The following DNAH11 variants were observed in gnomAD, a reference collection of about 807,000 sequenced individuals.
The protein encoded by DNAH11 is dynein axonemal heavy chain 11.
In DNAH11, 442 loss-of-function variants were observed where a neutral mutation model predicts 526.0. The observed-to-expected ratio is 0.84, with a 90% CI of 0.78 to 0.91. The LOEUF is 0.91. DNAH11 is among the 40% of genes least tolerant of loss of function. The pLI is 0.00. For synonymous variants in DNAH11, 2,461 were observed against 1,935.9 expected (o/e 1.27, Z -7.12); for missense variants, 6,989 against 5,448.7 (o/e 1.28, Z -8.90).
intron 30 of DNAH11, among the ~76,000 whole-genome samples, chr7:21,668,547 C>CTCAT (rs1049776741): frequency 2.6e-5 from 4 of 152,174 alleles, no homozygotes; most frequent in African/African-American, 9.7e-5. Context: ...ACCTGTGAGT[C>CTCAT]TCATGTCTTC....
intron 27 of DNAH11, 57 bp from the exon 28 acceptor site, chr7:21,638,882 G>T (rs1000530960): frequency 1.6e-5 from 24 of 1,548,224 alleles, no homozygotes; most frequent in Non-Finnish European, 2.1e-5. Flanking sequence ...TTGTTTTGCC[G>T]AAGTTTTAAT....
intron 18 of DNAH11, among the ~76,000 whole-genome samples, chr7:21,605,591 A>C (rs1041103251): frequency 6.6e-6 from 1 of 152,074 alleles, no homozygotes; most frequent in Non-Finnish European, 1.5e-5. Flanking sequence ...AATAAACCCA[A>C]CCTCAATCCT....
In DNAH11 at chr7:21,599,964, A is replaced by G; in HGVS notation, c.2845A>G (p.Ile949Val). Residue 949 changes from isoleucine (I) to valine (V), a missense_variant, in exon 15 of 82, where the codon ATC (isoleucine) becomes GTC (valine). Coordinates refer to ENST00000409508, the MANE Select transcript of DNAH11 (RefSeq NM_001277115.2). ...GGCACCGTTTTTTCAAGCACAAATG[A>G]TCTTGTTGCCTCCTGAGATTGTGTT... is the stretch of plus-strand genomic sequence containing the variant. Reference protein sequence around the residue: ...KPAPFFQAQMILLPPEIVFKP... With the variant: ...KPAPFFQAQMVLLPPEIVFKP... 2 of 1,613,744 alleles carry G rather than the reference A, an allele frequency of 1.2e-6. No homozygotes were observed. Among genetic ancestry groups the G allele is most frequent in the Non-Finnish European group, 1.7e-6 (2 of 1,179,814 alleles).
chr7:21,788,643 G>C (rs1444444520), intron 60 of DNAH11, among the ~76,000 whole-genome samples: 1 of 152,146 alleles, frequency 6.6e-6, no homozygotes. Context: ...ATGTGCTTAA[G>C]GTGGTTGGGA....
chr7:21,867,941 C>G lies in DNAH11; in HGVS notation c.11773C>G (p.Pro3925Ala), dbSNP rs896360974. 5.1e-6 allele frequency: 8 copies of G among 1,569,862 alleles called. No individual in the cohort carries two copies. The South Asian group carries it at 8.2e-5, about 16-fold the overall frequency. The change falls in exon 72 of 82, where the codon CCA becomes GCA. Residue 3925 changes from proline to alanine, a missense_variant. Transcript: ENST00000409508. ...DLVKAFEESS[P>A]ATPIFFILSP... ...AGTTAAAGCATTCGAAGAAAGCAGC[C>G]CAGCCACCCCCATATTCTTCATCCT...
In DNAH11 at chr7:21,601,581, G is replaced by A. The variant is rs1258102150; in HGVS notation, c.3611G>A (p.Gly1204Asp). ...ACGATCACCCTCTTGGAAAGCTATG[G>A]CCAGAAGATGCCTGAGCAGGTCTAT... ...KETITLLESYGQKMPEQVYIQ... is the reference protein window; with the variant it reads ...KETITLLESYDQKMPEQVYIQ... Residue 1204 changes from glycine (G) to aspartate (D), a missense_variant, in exon 18 of 82, where the codon GGC (glycine) becomes GAC (aspartate). Physicochemically the swap from Gly to Asp is moderately conservative, Grantham distance 94. Transcript: ENST00000409508. 1 of 1,600,704 alleles carries A rather than the reference G, an allele frequency of 6.2e-7. No homozygotes were observed. Among genetic ancestry groups the A allele is most frequent in the African/African-American group, 1.3e-5 (1 of 74,672 alleles).
intron 25 of DNAH11, among the ~76,000 whole-genome samples, chr7:21,625,238 C>A (rs1786273742): frequency 6.6e-6 from 1 of 151,842 alleles, no homozygotes; most frequent in Admixed American, 6.6e-5. Flanking sequence ...TCTTTTATTT[C>A]TTCTTGATTC....
intron 5 of DNAH11, among the ~76,000 whole-genome samples, chr7:21,562,840 G>C (rs569930633): frequency 6.6e-6 from 1 of 152,236 alleles, no homozygotes; most frequent in Admixed American, 6.5e-5. Context: ...TTGTTACATA[G>C]ACAGATGAAC....
intron 8 of DNAH11, among the ~76,000 whole-genome samples, chr7:21,577,825 A>T (rs1211124790): frequency 2.6e-5 from 4 of 152,222 alleles, no homozygotes; most frequent in Non-Finnish European, 5.9e-5. Flanking sequence ...GAAGATCTCA[A>T]CTGAGTGAAA....
intron 25 of DNAH11, among the ~76,000 whole-genome samples, chr7:21,630,917 C>T (rs1211316227): frequency 6.6e-6 from 1 of 152,106 alleles, no homozygotes; most frequent in Non-Finnish European, 1.5e-5. Context: ...ATCTTCACTG[C>T]TTTTCATTCT....
chr7:21,734,873 T>TA (rs1157142055), intron 45 of DNAH11, among the ~76,000 whole-genome samples: 24 of 145,156 alleles, frequency 1.7e-4, no homozygotes, highest in African/African-American at 5.9e-4. Flanking sequence ...AAATAGTCAT[T>TA]CAAAAAACTC....
At chr7:21,620,180 A>C (rs1034949613) in intron 25 of DNAH11, 102 bp downstream of exon 25, 7 of 1,030,488 alleles carry the variant, frequency 6.8e-6, no homozygotes, top group Non-Finnish European at 9.5e-6. Flanking sequence ...TATGTTTACA[A>C]TGTGGAAAGA....
At chr7:21,654,043 C>T (rs1025557360) in intron 28 of DNAH11, among the ~76,000 whole-genome samples, 2 of 152,146 alleles carry the variant, frequency 1.3e-5, no homozygotes, top group Non-Finnish European at 2.9e-5. Context: ...TTTTGTATTG[C>T]TTCACCCTAT....
chr7:21,632,247 C>A (rs538870045), intron 25 of DNAH11, among the ~76,000 whole-genome samples: 1 of 152,300 alleles, frequency 6.6e-6, no homozygotes, highest in Admixed American at 6.5e-5. Context: ...TCCTCTGAGG[C>A]CTCCAGGACT....
intron 28 of DNAH11, among the ~76,000 whole-genome samples, chr7:21,645,950 C>G (rs1330758328): frequency 6.6e-6 from 1 of 152,014 alleles, no homozygotes; most frequent in East Asian, 1.9e-4. Context: ...ATAAATTTGA[C>G]TATGTTAAAA....
At chr7:21,641,961 A>T (rs1288768349) in intron 28 of DNAH11, among the ~76,000 whole-genome samples, 1 of 151,998 alleles carries the variant, frequency 6.6e-6, no homozygotes, top group Admixed American at 6.6e-5. Flanking sequence ...AGCTCTCCAA[A>T]CTCCCTCACA....
At chr7:21,682,554 C>A (rs879252473) in intron 31 of DNAH11, among the ~76,000 whole-genome samples, 1 of 147,018 alleles carries the variant, frequency 6.8e-6, no homozygotes, top group Non-Finnish European at 1.5e-5. Context: ...AAAAAAATTT[C>A]TGTGTGTCTT....
At chr7:21,859,253 A>G (rs367790340) in intron 68 of DNAH11, among the ~76,000 whole-genome samples, 2 of 152,150 alleles carry the variant, frequency 1.3e-5, no homozygotes, top group East Asian at 1.9e-4. Context: ...AACTGGGACT[A>G]CAGGCACCCA....
intron 74 of DNAH11, among the ~76,000 whole-genome samples, chr7:21,878,924 G>A (rs1244497007): frequency 6.6e-6 from 1 of 152,202 alleles, no homozygotes; most frequent in Non-Finnish European, 1.5e-5. Flanking sequence ...GGACAAGGCA[G>A]GGAAGGGCAG....
Sources: allele counts gnomAD v4.1 joint callset (sites outside exome capture counted in the v4.1 genomes callset), GRCh38; gene constraint gnomAD v4.1.1; transcripts MANE v1.5; gene names NCBI Gene and HGNC (gene_info 2026-07-23, HGNC 2026-07-21).